Variants in INTS15 observed in about 807,000 individuals in gnomAD.
The protein encoded by INTS15 is integrator complex subunit 15.
the INTS15 span, chr7:6,602,024 C>T: frequency 1.5e-6 from 2 of 1,321,546 alleles, no homozygotes; most frequent in Non-Finnish European, 2.2e-6. Context: ...TGCTAGCATC[C>T]TTGCAAAGAA....
At chr7:6,608,009 G>A in the INTS15 span, 59 of 1,600,274 alleles carry the variant, frequency 3.7e-5, no homozygotes, top group Non-Finnish European at 4.7e-5. Context: ...GCCTCACGCC[G>A]CGCTCCCCCC....
chr7:6,598,785 GTA>G, the INTS15 span, among the ~76,000 whole-genome samples: 1 of 86,564 alleles, frequency 1.2e-5, no homozygotes, highest in East Asian at 2.7e-4. Flanking sequence ...GTGTGTGTGT[GTA>G]TTTTTTTTTT....
chr7:6,593,903 G>T, the INTS15 span, among the ~76,000 whole-genome samples: 1 of 151,886 alleles, frequency 6.6e-6, no homozygotes, highest in Non-Finnish European at 1.5e-5. Context: ...CTCCCGCCTC[G>T]GCCTCCCAAA....
chr7:6,591,070 C>A, the INTS15 span, among the ~76,000 whole-genome samples: 1 of 147,632 alleles, frequency 6.8e-6, no homozygotes, highest in African/African-American at 2.6e-5. Context: ...AACTCCTGGG[C>A]TCAAGATTCT....
At chr7:6,600,084 T>A in the INTS15 span, 2 of 1,614,176 alleles carry the variant, frequency 1.2e-6, no homozygotes, top group Non-Finnish European at 1.7e-6. Flanking sequence ...GGCGTGGGGA[T>A]GGACAGAGAC....
the INTS15 span, chr7:6,594,720 T>C: frequency 1.1e-6 from 1 of 936,348 alleles, no homozygotes; most frequent in South Asian, 1.8e-5. Flanking sequence ...CTCTGAAATG[T>C]ATATTTTTAT....
the INTS15 span, among the ~76,000 whole-genome samples, chr7:6,603,037 G>A: frequency 6.6e-6 from 1 of 152,270 alleles, no homozygotes; most frequent in African/African-American, 2.4e-5. Context: ...ATCACCTGAG[G>A]TCAGGAGTTC....
chr7:6,605,323 T>C, the INTS15 span, among the ~76,000 whole-genome samples: 1 of 152,106 alleles, frequency 6.6e-6, no homozygotes, highest in Non-Finnish European at 1.5e-5. Flanking sequence ...TTCTAGAAGT[T>C]TCCACAGCAT....
chr7:6,608,052 T>G, the INTS15 span: 1 of 1,598,528 alleles, frequency 6.3e-7, no homozygotes, highest in Non-Finnish European at 8.5e-7. Flanking sequence ...ACGCCCCCGC[T>G]GGGCTACGGG....
the INTS15 span, chr7:6,602,622 C>T: frequency 2.1e-6 from 1 of 465,824 alleles, no homozygotes; most frequent in South Asian, 1.6e-5. Flanking sequence ...CCTCAGCTTA[C>T]CCCGTTGTAA....
At chr7:6,590,425 C>T in the INTS15 span, 1 of 1,603,096 alleles carries the variant, frequency 6.2e-7, no homozygotes, top group Non-Finnish European at 8.5e-7. Flanking sequence ...CGTGGAGCTG[C>T]TGGAGGAGTT....
the INTS15 span, among the ~76,000 whole-genome samples, chr7:6,604,729 G>T: frequency 2.6e-5 from 4 of 152,204 alleles, no homozygotes; most frequent in Non-Finnish European, 5.9e-5. Context: ...GCCGGATGCT[G>T]GTCCACAGCC....
chr7:6,599,661 G>C, the INTS15 span, among the ~76,000 whole-genome samples: 1 of 152,182 alleles, frequency 6.6e-6, no homozygotes, highest in Non-Finnish European at 1.5e-5. Flanking sequence ...AGTCCCCCTG[G>C]TGTGGATGTT....
At chr7:6,591,569 C>A in the INTS15 span, 3 of 1,342,800 alleles carry the variant, frequency 2.2e-6, no homozygotes, top group Non-Finnish European at 3.2e-6. Flanking sequence ...CAGTCTATTT[C>A]CTGTTTTCTT....
At chr7:6,593,319 C>T in the INTS15 span, among the ~76,000 whole-genome samples, 4 of 147,342 alleles carry the variant, frequency 2.7e-5, no homozygotes, top group South Asian at 8.5e-4. Context: ...CAAATTTGGT[C>T]TGTGCGGTGG....
chr7:6,591,765 C>G, the INTS15 span: 4 of 1,614,114 alleles, frequency 2.5e-6, no homozygotes, highest in Non-Finnish European at 3.4e-6. Flanking sequence ...CTCAAGGGAA[C>G]AAAGCCGATG....
the INTS15 span, among the ~76,000 whole-genome samples, chr7:6,591,239 A>G: frequency 6.6e-6 from 1 of 151,338 alleles, no homozygotes; most frequent in Non-Finnish European, 1.5e-5. Context: ...GAAAAGTTCT[A>G]CGGGAAAATA....
the INTS15 span, chr7:6,608,246 C>A: frequency 6.6e-7 from 1 of 1,508,460 alleles, no homozygotes; most frequent in Middle Eastern, 2.1e-4. Flanking sequence ...AAGAGAACCT[C>A]GGGGAAGGGG....
the INTS15 span, chr7:6,591,875 T>G: frequency 6.2e-7 from 1 of 1,610,014 alleles, no homozygotes; most frequent in Non-Finnish European, 8.5e-7. Flanking sequence ...CAGGTACTGC[T>G]CAAGAGAGAC....
Sources: allele counts gnomAD v4.1 joint callset (sites outside exome capture counted in the v4.1 genomes callset), GRCh38; gene constraint gnomAD v4.1.1; transcripts MANE v1.5; gene names NCBI Gene and HGNC (gene_info 2026-07-23, HGNC 2026-07-21).